SF3A2: variants seen among roughly 807,000 people sequenced by gnomAD.
SF3A2 encodes the protein SAP 62.
A neutral mutation model predicts 31.1 loss-of-function variants in SF3A2; 5 were observed. The observed-to-expected ratio is 0.16, with a 90% CI of 0.08 to 0.34. The LOEUF is 0.34. SF3A2 is among the 10% of genes least tolerant of loss of function. The probability of loss-of-function intolerance (pLI) is 1.00; values close to 1 mark genes in which losing one functional copy is unlikely to be tolerated. For missense variants in SF3A2, 577 were observed against 643.9 expected (o/e 0.90, Z 1.13); for synonymous variants, 365 against 263.7 (o/e 1.38, Z -3.72).
chr19:2,245,676 TTGG>T lies in SF3A2; in HGVS notation c.355+125_355+127del, dbSNP rs2024925553. 4.0e-6 allele frequency: 3 copies of T among 754,460 alleles called. No homozygotes were observed. In the South Asian group the frequency reaches 4.9e-5, roughly 12 times the overall value. 46.7% of individuals were successfully genotyped at this position (754,460 alleles called of 1,614,324 possible). On this transcript the variant is annotated intron_variant, in intron 5 of 8. Coordinates refer to ENST00000221494, the MANE Select transcript of SF3A2 (RefSeq NM_007165.5). This position sits in a 1 kb window ranked among gnomAD's most constrained non-coding sequence, Gnocchi z 4.2. ...CTCCCTGAGCCACTGTTTTCCGGCC[TTGG>T]TGGCCGTCCCTCACCCACCTGCAGC...
Position 2,244,599 on chromosome 19 carries a change from C to T in SF3A2, c.182C>T (p.Thr61Ile). 1 of 1,614,130 alleles carries T rather than the reference C, an allele frequency of 6.2e-7. No individual in the cohort carries two copies. Among genetic ancestry groups the T allele is most frequent in the Non-Finnish European group, 8.5e-7 (1 of 1,179,982 alleles). Residue 61 changes from threonine to isoleucine, a missense_variant, in exon 3 of 9, where the codon ACA becomes ATA. Thr to Ile is a moderately conservative substitution (Grantham distance 89). Transcript: ENST00000221494. The stretch of plus-strand genomic sequence containing the variant: ...TCCTATGAATGCAAACTCTGCCTGA[C>T]ACTTCACAACAATGAGGTGCGGCCT... ...LGSYECKLCL[T>I]LHNNEGSYLA...
Position 2,248,169 on chromosome 19 carries a change from G to A in SF3A2, c.1018G>A (p.Ala340Thr), listed in dbSNP as rs1237632603. The change falls in exon 9 of 9, where the codon GCC becomes ACC. Residue 340 changes from alanine (A) to threonine (T), a missense_variant. Transcript: ENST00000221494. ...HPPAPGVHPP[A>T]PGVHPPAPGV... ...CCCAGCTCCTGGAGTCCACCCTCCA[G>A]CCCCCGGGGTTCACCCACCAGCCCC... 2.1e-5 allele frequency: 30 copies of A among 1,450,740 alleles called. No individual in the cohort carries two copies. In the African/African-American group the frequency reaches 4.3e-4, roughly 21 times the overall value. The allele number at this position is 1,450,740 out of a possible 1,614,324, so 89.9% of individuals were successfully genotyped here. A position where few individuals can be genotyped will look rare whatever the true frequency, so the allele number is the denominator to read the frequency against.
At position 2,247,982 on chromosome 19, in the gene SF3A2, A is replaced by G; in HGVS notation, c.831A>G (p.Pro277=). Reference sequence around the variant, plus strand: ...CTGCGCCCTCAGGGCCCCCGGGACCACCCCAGCTACCCCCGCCAGCTCCAG... The same window carrying G: ...CTGCGCCCTCAGGGCCCCCGGGACCGCCCCAGCTACCCCCGCCAGCTCCAG... ...TGPAPSGPPG[P]PQLPPPAPGV... The change falls in exon 9 of 9, where the codon CCA becomes CCG. Residue 277 remains proline, a synonymous_variant. Coordinates refer to ENST00000221494, the MANE Select transcript of SF3A2 (RefSeq NM_007165.5). 1.1e-6 allele frequency: 1 copy of G among 881,256 alleles called. No individual in the cohort carries two copies. Among genetic ancestry groups the G allele is most frequent in the Non-Finnish European group, 1.7e-6 (1 of 585,208 alleles). 54.6% of individuals were successfully genotyped at this position (881,256 alleles called of 1,614,324 possible).
At chr19:2,242,726 T>C (rs1316591067) in intron 1 of SF3A2, among the ~76,000 whole-genome samples, 2 of 152,086 alleles carry the variant, frequency 1.3e-5, no homozygotes, top group Non-Finnish European at 2.9e-5. Flanking sequence ...GAACTCAGAT[T>C]TGCACAGAGC....
At position 2,246,671 on chromosome 19, in the gene SF3A2, A is replaced by G; in HGVS notation, c.356-82A>G. Reference sequence around the variant, plus strand: ...CTCCCCCGGGGTCCCGCTCTCGTTCAGTGGGTGGCATTAGCCTGCCCCAGG... The same window carrying G: ...CTCCCCCGGGGTCCCGCTCTCGTTCGGTGGGTGGCATTAGCCTGCCCCAGG... On this transcript the variant is annotated intron_variant, in intron 5 of 8. Transcript: ENST00000221494. The surrounding 1 kb of genome is among the most constrained non-coding windows in gnomAD (Gnocchi z 5.5). 6.5e-7 allele frequency: 1 copy of G among 1,542,232 alleles called. No individual in the cohort carries two copies. Among genetic ancestry groups the G allele is most frequent in the African/African-American group, 1.4e-5 (1 of 73,476 alleles).
At position 2,246,993 on chromosome 19, in the gene SF3A2, G is replaced by T; in HGVS notation, c.517G>T (p.Ala173Ser). The T allele has an allele frequency of 6.2e-7, 1 of 1,605,488 alleles. No individual in the cohort carries two copies. Among genetic ancestry groups the T allele is most frequent in the Admixed American group, 1.7e-5 (1 of 58,686 alleles). Reference sequence around the variant, plus strand: ...GCGCTGGCAGTACCTGCTCATGGCCGCCGAGCCCTACGAGACCATTGCCTT... The same window carrying T: ...GCGCTGGCAGTACCTGCTCATGGCCTCCGAGCCCTACGAGACCATTGCCTT... ...DRRWQYLLMA[A>S]EPYETIAFKV... is the part of the protein sequence containing the mutation. Residue 173 changes from alanine (A) to serine (S), a missense_variant, in exon 7 of 9, where the codon GCC becomes TCC. Around this residue, in one of 6 missense-constraint regions of SF3A2, gnomAD observed 37 missense variants for 85.0 expected, o/e 0.44. Transcript: ENST00000221494. This position sits in a 1 kb window ranked among gnomAD's most constrained non-coding sequence, Gnocchi z 5.5.
At position 2,247,790 on chromosome 19, in the gene SF3A2, G is replaced by A. The variant is rs953039140; in HGVS notation, c.639G>A (p.Lys213=). The A allele has an allele frequency of 3.1e-6, 5 of 1,611,312 alleles. No homozygotes were observed. The highest frequency in any genetic ancestry group is 4.2e-6 in the Non-Finnish European group (5 of 1,179,482). Residue 213 remains lysine (K), a synonymous_variant, in exon 9 of 9, where the codon AAG becomes AAA. Coordinates refer to ENST00000221494, the MANE Select transcript of SF3A2 (RefSeq NM_007165.5). ...AGTTCTTCCTCCAGTTCCACTTTAA[G>A]ATGGAGAAGCCCCCGGCTCCACCCA... The part of the protein sequence containing the change: ...TKQFFLQFHF[K]MEKPPAPPSL...
In SF3A2 at chr19:2,248,350, T is replaced by G; in HGVS notation, c.1199T>G (p.Met400Arg). ...GGGGTGCACCCACCAGCCCCAGGGA[T>G]GCACCCTCAGGCCCCGGGGGTCCAC... ...APGVHPPAPG[M>R]HPQAPGVHPQ... Residue 400 changes from methionine to arginine, a missense_variant, in exon 9 of 9, where the codon ATG (methionine) becomes AGG (arginine). Met to Arg is a moderately conservative substitution (Grantham distance 91). Transcript: ENST00000221494. 1 of 1,376,366 alleles carries G rather than the reference T, an allele frequency of 7.3e-7. No individual in the cohort carries two copies. The highest frequency in any genetic ancestry group is 9.3e-7 in the Non-Finnish European group (1 of 1,071,334). The allele number at this position is 1,376,366 out of a possible 1,614,324, so 85.3% of individuals were successfully genotyped here.
intron 2 of SF3A2, among the ~76,000 whole-genome samples, 183 bp downstream of exon 2, chr19:2,243,727 C>T (rs1007414016): frequency 2.0e-5 from 3 of 152,244 alleles, no homozygotes; most frequent in Non-Finnish European, 4.4e-5. Flanking sequence ...AGAGAGCAGA[C>T]CCTCTGTGGC....
intron 4 of SF3A2, 198 bp downstream of exon 4, chr19:2,244,977 G>A (rs1428272465): frequency 1.7e-6 from 1 of 596,220 alleles, no homozygotes; most frequent in Admixed American, 3.0e-5. Context: ...TTGAGGTCAG[G>A]AGTTCGAGAC....
At chr19:2,238,187 C>T (rs771067178) in intron 1 of SF3A2, among the ~76,000 whole-genome samples, 17 of 152,068 alleles carry the variant, frequency 1.1e-4, no homozygotes, top group African/African-American at 2.7e-4. Context: ...CCATGTCCGG[C>T]GAATTTTTGT....
intron 1 of SF3A2, among the ~76,000 whole-genome samples, chr19:2,242,262 G>C (rs181818288): frequency 1.3e-5 from 2 of 152,382 alleles, no homozygotes; most frequent in Admixed American, 1.3e-4. Context: ...CAGTAGTTCA[G>C]ATGACACGGC....
intron 7 of SF3A2, 116 bp downstream of exon 7, chr19:2,247,138 A>G (rs1238312677): frequency 1.4e-6 from 2 of 1,384,612 alleles, no homozygotes; most frequent in Non-Finnish European, 1.9e-6. Flanking sequence ...GCCCCCCCCA[A>G]GTCGGAGCCA....
At chr19:2,244,012 G>A (rs1346968288) in intron 2 of SF3A2, among the ~76,000 whole-genome samples, 1 of 152,238 alleles carries the variant, frequency 6.6e-6, no homozygotes, top group African/African-American at 2.4e-5. Context: ...GAGGTCATGG[G>A]TAGAGGGGGT....
chr19:2,243,657 C>G (rs1297510083), intron 2 of SF3A2, 113 bp downstream of exon 2: 2 of 1,262,788 alleles, frequency 1.6e-6, no homozygotes, highest in African/African-American at 1.6e-5. Context: ...GCGATGCAGC[C>G]CCGTGTCCAG....
At chr19:2,247,698 C>G (rs539739321) in intron 8 of SF3A2, 36 bp downstream of exon 8, 5 of 1,612,120 alleles carry the variant, frequency 3.1e-6, no homozygotes, top group Non-Finnish European at 4.2e-6. Context: ...TCCTTCCCAC[C>G]CAGCCCTGGC....
chr19:2,244,902 C>T, intron 4 of SF3A2, 123 bp downstream of exon 4: 2 of 875,774 alleles, frequency 2.3e-6, no homozygotes, highest in South Asian at 3.0e-5. Context: ...TCCCTGGGCG[C>T]TTGAGTACGG....
chr19:2,243,248 C>A, intron 1 of SF3A2, 134 bp from the exon 2 acceptor site: 1 of 649,472 alleles, frequency 1.5e-6, no homozygotes, highest in South Asian at 2.6e-5. Flanking sequence ...CCCCTCAGGG[C>A]TGGTTAGACC....
At chr19:2,237,394 G>C (rs1229701385) in intron 1 of SF3A2, 4 of 132,470 alleles carry the variant, frequency 3.0e-5, no homozygotes, top group Admixed American at 1.6e-4. Flanking sequence ...GCAACATAGC[G>C]AGACCCCATC....
Sources: allele counts gnomAD v4.1 joint callset (sites outside exome capture counted in the v4.1 genomes callset), GRCh38; gene constraint gnomAD v4.1.1; regional missense constraint gnomAD v4.1.1; non-coding constraint Gnocchi (gnomAD v3.1); transcripts MANE v1.5; gene names NCBI Gene and HGNC (gene_info 2026-07-23, HGNC 2026-07-21).